Variants in HELZ observed in about 807,000 individuals in gnomAD.
HELZ encodes the protein helicase with zinc finger.
HELZ carries 23 observed loss-of-function variants against 218.2 expected under a neutral mutation model. That is an observed-to-expected ratio of 0.11 (90% CI 0.08 to 0.15). HELZ has a LOEUF of 0.15. Ranked by LOEUF, HELZ falls within the 10% of genes least tolerant of loss-of-function variation. The probability of loss-of-function intolerance (pLI) is 1.00; values close to 1 mark genes in which losing one functional copy is unlikely to be tolerated. For missense variants in HELZ, 1,813 were observed against 2,353.7 expected, an observed-to-expected ratio of 0.77 and a Z score of 4.75; for synonymous variants, 814 against 829.4, an observed-to-expected ratio of 0.98 and a Z score of 0.32.
rs756893225 is a variant in HELZ, at chr17:67,108,476, C to G, written c.4724+16G>C. On this transcript the variant is annotated intron_variant, in intron 30 of 32. Transcript: ENST00000358691. The surrounding 1 kb of genome is among the most constrained non-coding windows in gnomAD (Gnocchi z 4.1). ...GGGGTCGCATTCCAGGGGCTATTTT[C>G]AGTCCGCTGGAATACCTTGAGTATG... The G allele has an allele frequency of 8.2e-6, 13 of 1,592,794 alleles. No homozygotes were observed. The East Asian group carries it at 2.7e-4, about 33-fold the overall frequency.
chr17:67,245,141 G>T lies in HELZ; in HGVS notation c.-132+7C>A. 2.0e-6 allele frequency: 2 copies of T among 985,178 alleles called. No homozygotes were observed. Among genetic ancestry groups the T allele is most frequent in the Non-Finnish European group, 2.4e-6 (2 of 829,930 alleles). 61.0% of individuals were successfully genotyped at this position (985,178 alleles called of 1,614,324 possible). A position where few individuals can be genotyped will look rare whatever the true frequency, so the allele number is the denominator to read the frequency against. ...CAGGAGCAGAGAAGGGGGAAGTCAG[G>T]ACTTACCTGTCATTACTTTCTACGC... is the stretch of plus-strand genomic sequence containing the variant. On this transcript the variant is annotated splice_region_variant and intron_variant, in intron 1 of 32. Transcript: ENST00000358691.
chr17:67,090,874 G>A lies in HELZ; in HGVS notation c.5242-3793C>T, dbSNP rs899997096. 2.0e-5 allele frequency among the ~76,000 whole-genome samples: 3 copies of A among 151,814 alleles called. No homozygotes were observed. In the South Asian group the frequency reaches 6.3e-4, roughly 32 times the overall value. On this transcript the variant is annotated intron_variant, in intron 31 of 32. Coordinates refer to ENST00000358691, the MANE Select transcript of HELZ (RefSeq NM_014877.4). Reference sequence around the variant, plus strand: ...TTGCTTTTCTGTTTTGAATTGTATTGAATTCTGTTCTCATCTTTGAAATTC... The same window carrying A: ...TTGCTTTTCTGTTTTGAATTGTATTAAATTCTGTTCTCATCTTTGAAATTC...
In HELZ at chr17:67,245,146, A is replaced by G. The variant is rs1016861990; in HGVS notation, c.-132+2T>C. 2 of 984,798 alleles carry G rather than the reference A, an allele frequency of 2.0e-6. No individual in the cohort carries two copies. The highest frequency in any genetic ancestry group is 1.8e-5 in the African/African-American group (1 of 57,074). The allele number at this position is 984,798 out of a possible 1,614,324, so 61.0% of individuals were successfully genotyped here. A position where few individuals can be genotyped will look rare whatever the true frequency, so the allele number is the denominator to read the frequency against. On this transcript the variant is annotated splice_donor_variant, in intron 1 of 32. Coordinates refer to ENST00000358691, the MANE Select transcript of HELZ (RefSeq NM_014877.4). LOFTEE classifies it low-confidence loss of function (5UTR_SPLICE). The stretch of plus-strand genomic sequence containing the variant: ...GCAGAGAAGGGGGAAGTCAGGACTT[A>G]CCTGTCATTACTTTCTACGCCATCT...
At chr17:67,085,135 G>A (rs775721100) in intron 32 of HELZ, among the ~76,000 whole-genome samples, 3 of 151,868 alleles carry the variant, frequency 2.0e-5, no homozygotes, top group East Asian at 3.9e-4. Context: ...AAGTGACAAA[G>A]CAGCCAGGCA....
At chr17:67,128,046 G>A (rs1384823716) in intron 24 of HELZ, among the ~76,000 whole-genome samples, 1 of 152,098 alleles carries the variant, frequency 6.6e-6, no homozygotes, top group African/African-American at 2.4e-5. Flanking sequence ...AAATAAGCCG[G>A]CTGTCTCTGT....
chr17:67,220,835 GTTA>G (rs1165310577), intron 3 of HELZ, among the ~76,000 whole-genome samples: 4 of 137,968 alleles, frequency 2.9e-5, no homozygotes, highest in East Asian at 2.1e-4. Flanking sequence ...ATTTAATTGT[GTTA>G]TTAAGATAAC....
intron 4 of HELZ, among the ~76,000 whole-genome samples, chr17:67,218,026 C>T (rs999936541): frequency 1.3e-5 from 2 of 151,810 alleles, no homozygotes; most frequent in Admixed American, 6.6e-5. Flanking sequence ...CCTCTGCCTC[C>T]TGGGTTCAAG....
intron 3 of HELZ, among the ~76,000 whole-genome samples, chr17:67,235,585 G>A (rs549500887): frequency 6.6e-6 from 1 of 151,742 alleles, no homozygotes; most frequent in African/African-American, 2.4e-5. Context: ...CTTCAACCCA[G>A]CACATGCCAT....
intron 3 of HELZ, among the ~76,000 whole-genome samples, chr17:67,227,219 G>C (rs1396327691): frequency 1.3e-5 from 2 of 149,208 alleles, no homozygotes; most frequent in Non-Finnish European, 3.0e-5. Context: ...TTAAGATGGA[G>C]TCTCACTCTG....
chr17:67,179,406 C>T lies in HELZ; in HGVS notation c.1163-480G>A, dbSNP rs113755953. Among the ~76,000 whole-genome samples, 247 of 152,266 alleles carry T rather than the reference C, an allele frequency of 1.6e-3. 3 individuals carry two copies. Among genetic ancestry groups the T allele is most frequent in the Middle Eastern group, 6.8e-3 (2 of 294 alleles). On this transcript the variant is annotated intron_variant, in intron 12 of 32. Transcript: ENST00000358691. ...ATAAAGCACAATGAAACTACAGTAT[C>T]TTTAAGTCAACTTACTATAAACAAA...
At chr17:67,215,505 C>T (rs538156816) in intron 5 of HELZ, among the ~76,000 whole-genome samples, 114 of 152,238 alleles carry the variant, frequency 7.5e-4, no homozygotes, top group Non-Finnish European at 1.3e-3. Context: ...TGCGCCGCCA[C>T]GCCCAGCTAA....
At chr17:67,210,080 A>G (rs1209747072) in intron 5 of HELZ, among the ~76,000 whole-genome samples, 1 of 152,108 alleles carries the variant, frequency 6.6e-6, no homozygotes, top group East Asian at 1.9e-4. Flanking sequence ...AAAATTAATC[A>G]ACTATGCTGG....
chr17:67,244,901 C>G (rs917101325), intron 1 of HELZ: 1 of 985,952 alleles, frequency 1.0e-6, no homozygotes, highest in African/African-American at 1.7e-5. Flanking sequence ...CAGGACGCTG[C>G]GGGCCCCAGC....
chr17:67,215,737 A>C, intron 5 of HELZ, 162 bp downstream of exon 5: 1 of 657,456 alleles, frequency 1.5e-6, no homozygotes, highest in Non-Finnish European at 2.8e-6. Flanking sequence ...GTTCACAGGT[A>C]TGCCCAGCTC....
rs922356596 is a variant in HELZ, at chr17:67,074,303, G to C, written c.*3949C>G. 2.0e-5 allele frequency: 3 copies of C among 150,184 alleles called. No individual in the cohort carries two copies. The highest frequency in any genetic ancestry group is 7.3e-5 in the African/African-American group (3 of 41,006). 9.3% of individuals were successfully genotyped at this position (150,184 alleles called of 1,614,324 possible). On this transcript the variant is annotated 3_prime_UTR_variant, in exon 33 of 33. Coordinates refer to ENST00000358691, the MANE Select transcript of HELZ (RefSeq NM_014877.4). ...ACATGACATTTGAAAGCACCAATTT[G>C]TATCTTTCAATACATTTAAAGTTTT...
rs184744903 is a variant in HELZ, at chr17:67,120,933, C to G, written c.3631-321G>C. On this transcript the variant is annotated intron_variant, in intron 26 of 32. Coordinates refer to ENST00000358691, the MANE Select transcript of HELZ (RefSeq NM_014877.4). Reference sequence around the variant, plus strand: ...CATTTTATAGTATTTACTTGTTTCCCCTCCATATGAATGTATACATGTCAG... The same window carrying G: ...CATTTTATAGTATTTACTTGTTTCCGCTCCATATGAATGTATACATGTCAG... Among the ~76,000 whole-genome samples, 23 of 152,170 alleles carry G rather than the reference C, an allele frequency of 1.5e-4. No homozygotes were observed. The East Asian group carries it at 3.5e-3, about 23-fold the overall frequency.
chr17:67,130,317 C>T (rs2037938360), intron 23 of HELZ, among the ~76,000 whole-genome samples: 1 of 150,510 alleles, frequency 6.6e-6, no homozygotes, highest in South Asian at 2.1e-4. Context: ...CACTTGTACC[C>T]ATAAAGCTGT....
intron 24 of HELZ, among the ~76,000 whole-genome samples, chr17:67,124,520 T>C (rs189835857): frequency 3.1e-4 from 47 of 152,148 alleles, no homozygotes; most frequent in African/African-American, 1.1e-3. Context: ...AAATTTACTT[T>C]AAAAAAACAA....
At chr17:67,088,760 G>A (rs2143600654) in intron 31 of HELZ, among the ~76,000 whole-genome samples, 1 of 152,248 alleles carries the variant, frequency 6.6e-6, no homozygotes, top group South Asian at 2.1e-4. Context: ...CTGCTTTAAA[G>A]GCAATTGTTT....
Sources: gnomAD v4.1 joint callset for allele counts (sites outside exome capture counted in the v4.1 genomes callset) on GRCh38, gnomAD v4.1.1 for gene constraint, Gnocchi (gnomAD v3.1) non-coding constraint, MANE v1.5 for transcripts, NCBI Gene and HGNC (gene_info 2026-07-23, HGNC 2026-07-21) for gene names.